AACS: variants seen among roughly 807,000 people sequenced by gnomAD.
The protein encoded by AACS is acetoacetate-CoA ligase.
AACS carries 69 observed loss-of-function variants against 83.1 expected under a neutral mutation model. The ratio of observed to expected loss-of-function variants is 0.83; its 90% CI spans 0.68 to 1.01. The LOEUF is 1.01. Ranked by LOEUF, AACS falls within the 50% of genes least tolerant of loss-of-function variation. AACS has a pLI of 0.00. For synonymous variants in AACS, 333 were observed against 343.4 expected (o/e 0.97, Z 0.33); for missense variants, 866 against 882.2 (o/e 0.98, Z 0.23).
chr12:125,100,557 C>G (rs536381661), intron 5 of AACS, among the ~76,000 whole-genome samples: 105 of 152,382 alleles, frequency 6.9e-4, no homozygotes, highest in African/African-American at 2.4e-3. Flanking sequence ...CCCTACTCTT[C>G]TCTGTTAATT....
rs778876691 is a variant in AACS, at chr12:125,142,264, G to A, written c.*35G>A. On this transcript the variant is annotated 3_prime_UTR_variant, in exon 18 of 18. Transcript: ENST00000316519. ...GCTGGCGTGTCACTCAGCCGCACCC[G>A]TGTGCACTGTAACTTTTGTGTGCTC... is the stretch of plus-strand genomic sequence containing the variant. The A allele has an allele frequency of 1.8e-5, 29 of 1,603,350 alleles. No individual in the cohort carries two copies. Among genetic ancestry groups the A allele is most frequent in the African/African-American group, 1.3e-4 (10 of 74,348 alleles).
intron 5 of AACS, among the ~76,000 whole-genome samples, chr12:125,093,460 G>C (rs1565934234): frequency 6.6e-6 from 1 of 152,228 alleles, no homozygotes; most frequent in Non-Finnish European, 1.5e-5. Flanking sequence ...ACTCCAGTCC[G>C]GCAGGATCTG....
At chr12:125,117,423 A>C (rs1957074242) in intron 9 of AACS, 1 of 152,050 alleles carries the variant, frequency 6.6e-6, no homozygotes, top group Non-Finnish European at 1.5e-5. Flanking sequence ...CAAAAAAAAA[A>C]AAAATGTTTC....
chr12:125,096,798 G>A (rs1213451715), intron 5 of AACS, among the ~76,000 whole-genome samples: 1 of 152,028 alleles, frequency 6.6e-6, no homozygotes, highest in Non-Finnish European at 1.5e-5. Context: ...ACTTGCTCTC[G>A]GGGGGTGCAT....
intron 2 of AACS, 72 bp downstream of exon 2, chr12:125,074,051 G>T (rs1955950673): frequency 1.0e-5 from 13 of 1,257,286 alleles, no homozygotes; most frequent in South Asian, 7.5e-5. Flanking sequence ...TAATTTTGGG[G>T]AATACTGAAT....
chr12:125,081,009 T>C (rs1163432837), intron 3 of AACS, among the ~76,000 whole-genome samples: 1 of 151,298 alleles, frequency 6.6e-6, no homozygotes, highest in Non-Finnish European at 1.5e-5. Context: ...TTATTTTATT[T>C]TGAGATGGAG....
chr12:125,129,533 C>T lies in AACS; in HGVS notation c.1549+73C>T. On this transcript the variant is annotated intron_variant, in intron 14 of 17. Transcript: ENST00000316519. This position sits in a 1 kb window ranked among gnomAD's most constrained non-coding sequence, Gnocchi z 4.3. ...GGGCCTTCTGTGTCTAATTCTGTAC[C>T]ATCGTGCCCCTCCCCTCTTCCTTCC... is the stretch of plus-strand genomic sequence containing the variant. The T allele has an allele frequency of 6.5e-7, 1 of 1,531,362 alleles. No individual in the cohort carries two copies. The highest frequency in any genetic ancestry group is 2.4e-5 in the East Asian group (1 of 42,476). 94.9% of individuals were successfully genotyped at this position (1,531,362 alleles called of 1,614,324 possible).
intron 16 of AACS, chr12:125,136,197 G>GT (rs962655662): frequency 1.4e-4 from 23 of 168,042 alleles, no homozygotes; most frequent in Admixed American, 2.8e-4. Context: ...CTCCAGGTGT[G>GT]TGTCACCATG....
At position 125,113,692 on chromosome 12, in the gene AACS, A is replaced by G. The variant is rs1483907367; in HGVS notation, c.916-785A>G. 6.6e-6 allele frequency among the ~76,000 whole-genome samples: 1 copy of G among 152,226 alleles called. No homozygotes were observed. The highest frequency in any genetic ancestry group is 1.9e-4 in the East Asian group (1 of 5,196). On this transcript the variant is annotated intron_variant, in intron 8 of 17. Coordinates refer to ENST00000316519, the MANE Select transcript of AACS (RefSeq NM_023928.5). This position sits in a 1 kb window ranked among gnomAD's most constrained non-coding sequence, Gnocchi z 4.8. ...GGCAAAGTGCGGGACACTGTGTCAC[A>G]ATGAACAAAATGGCATTAATAAATA...
rs1165635630 is a variant in AACS at position 125,129,336 on chromosome 12, A to G, written c.1425A>G (p.Gly475=). The part of the protein sequence containing the change: ...GMAVEAWNEE[G]KAVWGESGEL... ...TTATTTTTAATTCTCCCATACCAGG[A>G]AAGGCGGTCTGGGGAGAGAGCGGCG... The change falls in exon 14 of 18, where the codon GGA becomes GGG. Residue 475 remains glycine (G), a splice_region_variant and synonymous_variant. Transcript: ENST00000316519. The surrounding 1 kb of genome is among the most constrained non-coding windows in gnomAD (Gnocchi z 4.3). 2.5e-6 allele frequency: 4 copies of G among 1,612,098 alleles called. No individual in the cohort carries two copies. The highest frequency in any genetic ancestry group is 1.7e-6 in the Non-Finnish European group (2 of 1,179,370).
rs369332014 is a variant in AACS at position 125,076,573 on chromosome 12, G to A, written c.320G>A (p.Arg107Gln). 19 of 1,614,012 alleles carry A rather than the reference G, an allele frequency of 1.2e-5. No individual in the cohort carries two copies. Among genetic ancestry groups the A allele is most frequent in the Middle Eastern group, 3.3e-4 (2 of 6,084 alleles). Residue 107 changes from arginine to glutamine, a missense_variant, in exon 3 of 18, where the codon CGG (arginine) becomes CAG (glutamine). By Grantham distance (43) the Arg-to-Gln change is conservative. Coordinates refer to ENST00000316519, the MANE Select transcript of AACS (RefSeq NM_023928.5). ...SRLNYAENLL[R>Q]HKENDRVALY... is the part of the protein sequence containing the mutation. ...CTCAACTATGCAGAAAACCTCCTGC[G>A]GCACAAAGAGAATGACAGAGTTGCC... is the stretch of plus-strand genomic sequence containing the variant.
chr12:125,130,310 TC>T lies in AACS; in HGVS notation c.1549+856del, dbSNP rs1430621273. Among the ~76,000 whole-genome samples the T allele has an allele frequency of 9.8e-5, 15 of 152,312 alleles. No individual in the cohort carries two copies. The highest frequency in any genetic ancestry group is 3.4e-4 in the African/African-American group (14 of 41,574). On this transcript the variant is annotated intron_variant, in intron 14 of 17. Coordinates refer to ENST00000316519, the MANE Select transcript of AACS (RefSeq NM_023928.5). The surrounding 1 kb of genome is among the most constrained non-coding windows in gnomAD (Gnocchi z 4.9). Reference sequence around the variant, plus strand: ...TGCCTTCCTGCAGCAGCGTGGGGCATCCCCCCAGGGGTGGCTCAGCCTCCAC... The same window carrying T: ...TGCCTTCCTGCAGCAGCGTGGGGCATCCCCCAGGGGTGGCTCAGCCTCCAC...
intron 10 of AACS, chr12:125,124,228 G>C (rs776299920): frequency 1.3e-5 from 2 of 155,868 alleles, no homozygotes; most frequent in Admixed American, 1.2e-4. Context: ...CCAGGAGTTG[G>C]AGACTGCAGT....
At chr12:125,101,036 C>T (rs1462614111) in intron 5 of AACS, 1 of 152,138 alleles carries the variant, frequency 6.6e-6, no homozygotes, top group Non-Finnish European at 1.5e-5. Flanking sequence ...GGGGGTAGCC[C>T]TAGGTGTTGG....
In AACS at chr12:125,085,128, G is replaced by A. The variant is rs773345076; in HGVS notation, c.359-1202G>A. Among the ~76,000 whole-genome samples, 6 of 152,226 alleles carry A rather than the reference G, an allele frequency of 3.9e-5. No individual in the cohort carries two copies. In the South Asian group the frequency reaches 6.2e-4, roughly 16 times the overall value. On this transcript the variant is annotated intron_variant, in intron 3 of 17. Transcript: ENST00000316519. ...CTATAAAGGGGCAACAGGAGGGAAGGGTTTGGGGTGGTGGAAATGTCCTAT... is the reference window on the plus strand; with the variant it reads ...CTATAAAGGGGCAACAGGAGGGAAGAGTTTGGGGTGGTGGAAATGTCCTAT...
chr12:125,065,451 C>G lies in AACS; in HGVS notation c.-134C>G. 1 of 1,010,746 alleles carries G rather than the reference C, an allele frequency of 9.9e-7. No individual in the cohort carries two copies. The highest frequency in any genetic ancestry group is 3.3e-5 in the East Asian group (1 of 29,866). The allele number at this position is 1,010,746 out of a possible 1,614,324, so 62.6% of individuals were successfully genotyped here. ...CGGCCGTTCAGTCCCTTGTTCCCCG[C>G]CGCCGCCGTCGCTGACCCAGCCCGC... On this transcript the variant is annotated 5_prime_UTR_variant, in exon 1 of 18. Coordinates refer to ENST00000316519, the MANE Select transcript of AACS (RefSeq NM_023928.5).
chr12:125,141,725 AAAAG>A (rs1281078159), intron 17 of AACS: 1 of 185,920 alleles, frequency 5.4e-6, no homozygotes, highest in Middle Eastern at 2.1e-3. Flanking sequence ...AAAAAAGAAA[AAAAG>A]AAAAATGAAC....
Position 125,143,286 on chromosome 12 carries a change from T to C in AACS, c.*1057T>C, listed in dbSNP as rs1012013153. On this transcript the variant is annotated 3_prime_UTR_variant, in exon 18 of 18. Transcript: ENST00000316519. ...GGGGAAAGTGCTATGATGAATTTTA[T>C]GCAATAAATGTATACATGTGTGCAC... The C allele has an allele frequency of 6.6e-6, 1 of 152,306 alleles. No individual in the cohort carries two copies. The highest frequency in any genetic ancestry group is 1.5e-5 in the Non-Finnish European group (1 of 68,058). 9.4% of individuals were successfully genotyped at this position (152,306 alleles called of 1,614,324 possible). A position where few individuals can be genotyped will look rare whatever the true frequency, so the allele number is the denominator to read the frequency against.
At chr12:125,098,710 C>T (rs542959781) in intron 5 of AACS, among the ~76,000 whole-genome samples, 7 of 152,238 alleles carry the variant, frequency 4.6e-5, no homozygotes, top group Non-Finnish European at 1.0e-4. Context: ...GCCTTGGCCT[C>T]CCGGTGTTGG....
Sources: allele counts gnomAD v4.1 joint callset (sites outside exome capture counted in the v4.1 genomes callset), GRCh38; gene constraint gnomAD v4.1.1; non-coding constraint Gnocchi (gnomAD v3.1); transcripts MANE v1.5; gene names NCBI Gene and HGNC (gene_info 2026-07-23, HGNC 2026-07-21).